PROC: variants seen among roughly 807,000 people sequenced by gnomAD.
PROC encodes the protein protein C, inactivator of coagulation factors Va and VIIIa.
Under a neutral mutation model 36.3 loss-of-function variants are expected in PROC, and 22 were observed. That is an observed-to-expected ratio of 0.61 (90% CI 0.43 to 0.86). PROC has a LOEUF of 0.86. Among genes scored for constraint, PROC ranks in the 40% least tolerant of loss-of-function variants. The probability of loss-of-function intolerance (pLI) is 0.00; values close to 1 mark genes in which losing one functional copy is unlikely to be tolerated. For missense variants in PROC, 526 were observed against 629.7 expected, an observed-to-expected ratio of 0.84 and a Z score of 1.76; for synonymous variants, 218 against 244.5, an observed-to-expected ratio of 0.89 and a Z score of 1.01.
chr2:127,423,517 G>C, intron 6 of PROC, 109 bp downstream of exon 6: 1 of 1,413,012 alleles, frequency 7.1e-7, no homozygotes, highest in Non-Finnish European at 9.4e-7. Context: ...GGGAGGGAGC[G>C]AGGAACAGAG....
chr2:127,422,862 G>C lies in PROC; in HGVS notation c.238-55G>C, dbSNP rs1005197028. 1,697 of 1,544,778 alleles carry C rather than the reference G, an allele frequency of 1.1e-3. 2 individuals carry two copies. Among genetic ancestry groups the C allele is most frequent in the Non-Finnish European group, 1.4e-3 (1,614 of 1,145,582 alleles). ...ACCCGCTGCCCTGCCCCACCCGGGC[G>C]CGCCCCCTCCGCACACCGGCTGCAG... On this transcript the variant is annotated intron_variant, in intron 3 of 8. Coordinates refer to ENST00000234071, the MANE Select transcript of PROC (RefSeq NM_000312.4).
rs1202314840 is a variant in PROC, at chr2:127,420,022, C to T, written c.70+10C>T. The T allele has an allele frequency of 3.7e-6, 6 of 1,612,866 alleles. No individual in the cohort carries two copies. Among genetic ancestry groups the T allele is most frequent in the Middle Eastern group, 1.9e-4 (1 of 5,218 alleles). On this transcript the variant is annotated intron_variant, in intron 2 of 8. Coordinates refer to ENST00000234071, the MANE Select transcript of PROC (RefSeq NM_000312.4). ...ACACCAGCTCCTCTTGGTAAGGCCA[C>T]CCCACCCCTACCCCGGGACCCTTGT...
At position 127,428,756 on chromosome 2, in the gene PROC, A is replaced by C. The variant is rs201399407; in HGVS notation, c.1196A>C (p.Glu399Ala). Residue 399 changes from glutamate to alanine, a missense_variant, in exon 9 of 9, where the codon GAG becomes GCG. Coordinates refer to ENST00000234071, the MANE Select transcript of PROC (RefSeq NM_000312.4). ...GILGDRQDAC[E>A]GDSGGPMVAS... ...CTCGGGGACCGGCAGGATGCCTGCG[A>C]GGGCGACAGTGGGGGGCCCATGGTC... The C allele has an allele frequency of 3.7e-6, 6 of 1,613,218 alleles. No individual in the cohort carries two copies. The highest frequency in any genetic ancestry group is 5.1e-6 in the Non-Finnish European group (6 of 1,179,932).
rs1189201426 is a variant in PROC at position 127,427,159 on chromosome 2, C to T, written c.733C>T (p.Pro245Ser). ...KLACGAVLIHPSWVLTAAHCM... is the reference protein window; with the variant it reads ...KLACGAVLIHSSWVLTAAHCM... ...GGCCTGCGGGGCAGTGCTCATCCAC[C>T]CCTCCTGGGTGCTGACAGCGGCCCA... Residue 245 changes from proline to serine, a missense_variant, in exon 8 of 9, where the codon CCC (proline) becomes TCC (serine). Coordinates refer to ENST00000234071, the MANE Select transcript of PROC (RefSeq NM_000312.4). The T allele has an allele frequency of 2.5e-5, 41 of 1,613,684 alleles. 1 individual carries two copies. The Admixed American group carries it at 6.8e-4, about 27-fold the overall frequency.
intron 6 of PROC, among the ~76,000 whole-genome samples, chr2:127,423,864 T>C (rs192167385): frequency 2.9e-3 from 443 of 152,368 alleles, no homozygotes; most frequent in African/African-American, 9.7e-3. Flanking sequence ...GATTCTGCCT[T>C]CTTCTATATT....
rs555440724 is a variant in PROC, at chr2:127,418,625, A to T, written c.-22+133A>T. On this transcript the variant is annotated intron_variant, in intron 1 of 8. Coordinates refer to ENST00000234071, the MANE Select transcript of PROC (RefSeq NM_000312.4). The surrounding 1 kb of genome is among the most constrained non-coding windows in gnomAD (Gnocchi z 4.8). ...ACAAGCCTGAGCTTGGGGTGAAAGG[A>T]CACAAGGCCCTCCACAGGCCAGGCC... is the stretch of plus-strand genomic sequence containing the variant. 2.0e-3 allele frequency: 1,489 copies of T among 743,950 alleles called. 2 individuals carry two copies. The highest frequency in any genetic ancestry group is 2.7e-3 in the Non-Finnish European group (1,347 of 507,014). 46.1% of individuals were successfully genotyped at this position (743,950 alleles called of 1,614,324 possible).
chr2:127,425,407 CAG>C (rs1688425917), intron 6 of PROC, among the ~76,000 whole-genome samples: 1 of 152,244 alleles, frequency 6.6e-6, no homozygotes, highest in South Asian at 2.1e-4. Flanking sequence ...CCATTTTGAG[CAG>C]AGTCGGGCCG....
chr2:127,424,876 CA>C (rs559503548), intron 6 of PROC, among the ~76,000 whole-genome samples: 245 of 152,300 alleles, frequency 1.6e-3, no homozygotes, highest in African/African-American at 5.2e-3. Context: ...AGGACTCCTC[CA>C]AGCTCTTGGA....
chr2:127,422,814 G>GCCCTC (rs1163137921), intron 3 of PROC, 103 bp from the exon 4 acceptor site: 5 of 1,461,690 alleles, frequency 3.4e-6, no homozygotes, highest in Middle Eastern at 2.3e-4. Flanking sequence ...TTGTCTGGAA[G>GCCCTC]CCCTCCCCTC....
intron 6 of PROC, chr2:127,423,674 G>A: frequency 2.0e-6 from 1 of 501,890 alleles, no homozygotes; most frequent in Non-Finnish European, 3.4e-6. Context: ...TGCGCACCTG[G>A]GGCCACCTCC....
In PROC at chr2:127,423,409, G is replaced by A. The variant is rs1688256198; in HGVS notation, c.535+1G>A. Reference sequence around the variant, plus strand: ...GACCTCCTGCAGTGTCACCCCGCAGGTGAGAAGCCCCCAATACATCGCCCA... The same window carrying A: ...GACCTCCTGCAGTGTCACCCCGCAGATGAGAAGCCCCCAATACATCGCCCA... On this transcript the variant is annotated splice_donor_variant, in intron 6 of 8. Transcript: ENST00000234071. LOFTEE classifies it high-confidence loss of function. 6.5e-7 allele frequency: 1 copy of A among 1,549,578 alleles called. No individual in the cohort carries two copies. Among genetic ancestry groups the A allele is most frequent in the Admixed American group, 2.0e-5 (1 of 51,014 alleles).
intron 6 of PROC, chr2:127,423,698 C>A: frequency 2.2e-6 from 1 of 448,076 alleles, no homozygotes; most frequent in Non-Finnish European, 3.9e-6. Flanking sequence ...AGCGCAAGCC[C>A]AGTGGTGGCT....
chr2:127,420,399 G>C (rs1688023400), intron 2 of PROC, among the ~76,000 whole-genome samples: 1 of 152,120 alleles, frequency 6.6e-6, no homozygotes. Flanking sequence ...CTGGCCTCAT[G>C]GCTGCCCTGC....
In PROC at chr2:127,418,785, T is replaced by A. The variant is rs1272109749; in HGVS notation, c.-22+293T>A. On this transcript the variant is annotated intron_variant, in intron 1 of 8. Transcript: ENST00000234071. This position sits in a 1 kb window ranked among gnomAD's most constrained non-coding sequence, Gnocchi z 4.8. Reference sequence around the variant, plus strand: ...ATTCTCCCCACCCCACTTCCACCTTTGGGGGTGTCGGATTTGAACAAATCT... The same window carrying A: ...ATTCTCCCCACCCCACTTCCACCTTAGGGGGTGTCGGATTTGAACAAATCT... Among the ~76,000 whole-genome samples the A allele has an allele frequency of 6.6e-6, 1 of 152,154 alleles. No homozygotes were observed. Among genetic ancestry groups the A allele is most frequent in the Non-Finnish European group, 1.5e-5 (1 of 68,024 alleles).
At position 127,428,551 on chromosome 2, in the gene PROC, A is replaced by C. The variant is rs1484985689; in HGVS notation, c.991A>C (p.Asn331His). ...PDSGLAEREL[N>H]QAGQETLVTG... ...CAGCGGCCTTGCAGAGCGCGAGCTC[A>C]ATCAGGCCGGCCAGGAGACCCTCGT... The change falls in exon 9 of 9, where the codon AAT (asparagine) becomes CAT (histidine). Residue 331 changes from asparagine to histidine, a missense_variant. Transcript: ENST00000234071. The C allele has an allele frequency of 6.2e-7, 1 of 1,613,898 alleles. No homozygotes were observed. Among genetic ancestry groups the C allele is most frequent in the Non-Finnish European group, 8.5e-7 (1 of 1,180,028 alleles).
rs2069933 is a variant in PROC at position 127,428,112 on chromosome 2, T to C, written c.797-245T>C. Among the ~76,000 whole-genome samples, 106,862 of 152,134 alleles carry C rather than the reference T, an allele frequency of 0.7. 37,763 individuals are homozygous for C. Among genetic ancestry groups the C allele is most frequent in the African/African-American group, 0.76 (31,722 of 41,522 alleles). On this transcript the variant is annotated intron_variant, in intron 8 of 8. Transcript: ENST00000234071. ...CCTGAAAACCAACCAGCATCCTACC[T>C]CTTTGGGATTGACACCTGTTGGCCA...
rs774465975 is a variant in PROC at position 127,421,265 on chromosome 2, C to T, written c.71-18C>T. On this transcript the variant is annotated intron_variant, in intron 2 of 8. Transcript: ENST00000234071. ...AGGCCCCTCCACCAAGGTGAGCTCC[C>T]CCTCCCTCCAAAACCAGACTCAGTG... 1 of 1,613,312 alleles carries T rather than the reference C, an allele frequency of 6.2e-7. No individual in the cohort carries two copies. The highest frequency in any genetic ancestry group is 1.1e-5 in the South Asian group (1 of 91,052).
At position 127,423,423 on chromosome 2, in the gene PROC, A is replaced by G. The variant is rs750881439; in HGVS notation, c.535+15A>G. On this transcript the variant is annotated intron_variant, in intron 6 of 8. Coordinates refer to ENST00000234071, the MANE Select transcript of PROC (RefSeq NM_000312.4). ...TCACCCCGCAGGTGAGAAGCCCCCA[A>G]TACATCGCCCAGGAATCACGCTGGG... 59 of 1,546,872 alleles carry G rather than the reference A, an allele frequency of 3.8e-5. No homozygotes were observed. Among genetic ancestry groups the G allele is most frequent in the Middle Eastern group, 1.7e-4 (1 of 6,000 alleles).
chr2:127,424,469 G>A (rs917244163), intron 6 of PROC, among the ~76,000 whole-genome samples: 2 of 152,168 alleles, frequency 1.3e-5, no homozygotes, highest in African/African-American at 4.8e-5. Flanking sequence ...AAAGTGCTGG[G>A]ATTACAGGCG....
Sources: gnomAD v4.1 joint callset for allele counts (sites outside exome capture counted in the v4.1 genomes callset) on GRCh38, gnomAD v4.1.1 for gene constraint, Gnocchi (gnomAD v3.1) non-coding constraint, MANE v1.5 for transcripts, NCBI Gene and HGNC (gene_info 2026-07-23, HGNC 2026-07-21) for gene names.